FNBP4: variants seen among roughly 807,000 people sequenced by gnomAD.
FNBP4 encodes formin-binding protein 4.
Under a neutral mutation model 119.3 loss-of-function variants are expected in FNBP4, and 34 were observed. That is an observed-to-expected ratio of 0.28 (90% CI 0.22 to 0.38). The LOEUF is 0.38. Among genes scored for constraint, FNBP4 ranks in the 10% least tolerant of loss-of-function variants. FNBP4 has a pLI of 1.00. For missense variants in FNBP4, 1,112 were observed against 1,228.9 expected, an observed-to-expected ratio of 0.90 and a Z score of 1.42; for synonymous variants, 462 against 430.6, an observed-to-expected ratio of 1.07 and a Z score of -0.90.
chr11:47,733,851 T>A (rs574860303), intron 10 of FNBP4, among the ~76,000 whole-genome samples, 174 bp downstream of exon 10: 4 of 152,352 alleles, frequency 2.6e-5, no homozygotes, highest in African/African-American at 9.6e-5. Flanking sequence ...AAAGTCTATT[T>A]ACTGTGCTTT....
chr11:47,759,103 A>G (rs2135269161), intron 2 of FNBP4, among the ~76,000 whole-genome samples: 2 of 152,008 alleles, frequency 1.3e-5, no homozygotes, highest in South Asian at 4.2e-4. Context: ...TACTTTTAGT[A>G]GAGACGGGGT....
intron 1 of FNBP4, 90 bp from the exon 2 acceptor site, chr11:47,765,452 G>T: frequency 2.1e-6 from 2 of 953,560 alleles, no homozygotes; most frequent in Non-Finnish European, 3.2e-6. Flanking sequence ...GAAAACACTA[G>T]AGGTGACAAA....
At chr11:47,724,437 A>G in intron 13 of FNBP4, 31 bp downstream of exon 13, 1 of 1,613,976 alleles carries the variant, frequency 6.2e-7, no homozygotes, top group Admixed American at 1.7e-5. Context: ...AGTCCTCAAA[A>G]TCACTCAGAA....
intron 12 of FNBP4, chr11:47,729,022 T>C (rs1305076133): frequency 3.4e-6 from 1 of 292,842 alleles, no homozygotes; most frequent in African/African-American, 2.3e-5. Flanking sequence ...CAGCTAATTT[T>C]TGTACTTTTA....
At chr11:47,737,573 G>A (rs1265036391) in intron 8 of FNBP4, among the ~76,000 whole-genome samples, 1 of 151,882 alleles carries the variant, frequency 6.6e-6, no homozygotes, top group Non-Finnish European at 1.5e-5. Context: ...CCAAGTAGCT[G>A]GGACTACAGG....
Position 47,746,138 on chromosome 11 carries a change from C to T in FNBP4, c.1163G>A (p.Cys388Tyr). The change falls in exon 7 of 17, where the codon TGC becomes TAC. Residue 388 changes from cysteine to tyrosine, a missense_variant. Cys to Tyr is a radical substitution (Grantham distance 194, BLOSUM62 -2). Around this residue, in one of 2 missense-constraint regions of FNBP4, gnomAD observed 826 missense variants for 988.8 expected, o/e 0.84. Transcript: ENST00000263773. ...NIEDPSQEDL[C>Y]SVVQSGESEE... ...ACTTTCTCCAGATTGGACAACACTGCAAAGATCCTCCTGAGAAGGGTCTTC... is the reference window on the plus strand; with the variant it reads ...ACTTTCTCCAGATTGGACAACACTGTAAAGATCCTCCTGAGAAGGGTCTTC... 1.2e-6 allele frequency: 2 copies of T among 1,614,144 alleles called. No homozygotes were observed. The highest frequency in any genetic ancestry group is 1.7e-6 in the Non-Finnish European group (2 of 1,180,014).
Position 47,753,003 on chromosome 11 carries a change from ATGT to A in FNBP4, c.547_549del (p.Thr183del). Reference sequence around the variant, plus strand: ...TTTGAAGTAGAAGAAGAAAGGGTAGATGTTGCTGCTTCCTTTGGCTCTGGTCGA... The same window carrying A: ...TTTGAAGTAGAAGAAGAAAGGGTAGATGCTGCTTCCTTTGGCTCTGGTCGA... On this transcript the variant is annotated inframe_deletion, in exon 4 of 17. Coordinates refer to ENST00000263773, the MANE Select transcript of FNBP4 (RefSeq NM_015308.5). 6.2e-7 allele frequency: 1 copy of A among 1,614,146 alleles called. No homozygotes were observed. The highest frequency in any genetic ancestry group is 8.5e-7 in the Non-Finnish European group (1 of 1,180,006).
At chr11:47,763,111 A>G (rs903341005) in intron 2 of FNBP4, among the ~76,000 whole-genome samples, 2 of 152,028 alleles carry the variant, frequency 1.3e-5, no homozygotes, top group African/African-American at 4.8e-5. Context: ...AGGCCAAGGC[A>G]GGAAGATCAC....
At chr11:47,718,669 TAGAC>T (rs1285623934) in intron 16 of FNBP4, among the ~76,000 whole-genome samples, 1 of 152,214 alleles carries the variant, frequency 6.6e-6, no homozygotes, top group Non-Finnish European at 1.5e-5. Flanking sequence ...GCATCAGTAA[TAGAC>T]AGCTATATTC....
intron 12 of FNBP4, chr11:47,729,468 T>C (rs2097564977): frequency 2.0e-6 from 2 of 985,248 alleles, no homozygotes; most frequent in African/African-American, 3.5e-5. Context: ...AAATAGAACT[T>C]TGAAACTTCT....
intron 2 of FNBP4, among the ~76,000 whole-genome samples, chr11:47,755,237 G>C (rs968583435): frequency 2.0e-5 from 3 of 151,554 alleles, no homozygotes; most frequent in Non-Finnish European, 4.4e-5. Flanking sequence ...ATCACCTGAA[G>C]TCAGGAGTTC....
At chr11:47,760,827 G>A (rs1192544937) in intron 2 of FNBP4, among the ~76,000 whole-genome samples, 2 of 152,160 alleles carry the variant, frequency 1.3e-5, no homozygotes, top group Non-Finnish European at 2.9e-5. Flanking sequence ...GCCTCCCATA[G>A]TGTTGGGAGG....
rs1188186462 is a variant in FNBP4 at position 47,754,605 on chromosome 11, C to T, written c.373G>A (p.Glu125Lys). The change falls in exon 3 of 17, where the codon GAA (glutamate) becomes AAA (lysine). Residue 125 changes from glutamate to lysine, a missense_variant. Coordinates refer to ENST00000263773, the MANE Select transcript of FNBP4 (RefSeq NM_015308.5). ...GTCTCTTTGGATTGTGCTAGTTTTT[C>T]GGAAACATCATTGTCATCGTCATCA... The part of the protein sequence containing the change: ...DSDDDDNDVS[E>K]KLAQSKETNG... 8.1e-6 allele frequency: 13 copies of T among 1,613,956 alleles called. No individual in the cohort carries two copies. Among genetic ancestry groups the T allele is most frequent in the African/African-American group, 2.7e-5 (2 of 74,904 alleles).
Position 47,765,293 on chromosome 11 carries a change from C to T in FNBP4, c.290G>A (p.Arg97Lys). The part of the protein sequence containing the change: ...QNPPKPVMTT[R>K]PTAVKATGGL... ...ACCTGTTGCTTTAACAGCTGTGGGTCTAGTGGTCATGACTGGTTTTGGAGG... is the reference window on the plus strand; with the variant it reads ...ACCTGTTGCTTTAACAGCTGTGGGTTTAGTGGTCATGACTGGTTTTGGAGG... The change falls in exon 2 of 17, where the codon AGA becomes AAA. Residue 97 changes from arginine to lysine, a missense_variant. Around this residue, in one of 2 missense-constraint regions of FNBP4, gnomAD observed 286 missense variants for 240.1 expected, o/e 1.19. Coordinates refer to ENST00000263773, the MANE Select transcript of FNBP4 (RefSeq NM_015308.5). 6.2e-7 allele frequency: 1 copy of T among 1,611,394 alleles called. No homozygotes were observed. Among genetic ancestry groups the T allele is most frequent in the Non-Finnish European group, 8.5e-7 (1 of 1,179,062 alleles).
chr11:47,752,844 A>AAAC (rs2097607010), intron 4 of FNBP4, 72 bp downstream of exon 4: 2 of 1,371,692 alleles, frequency 1.5e-6, no homozygotes, highest in South Asian at 2.7e-5. Flanking sequence ...CAAACAAAAA[A>AAAC]CCAGAAAAGT....
chr11:47,752,409 GGGT>G (rs2097605838), intron 4 of FNBP4, among the ~76,000 whole-genome samples: 1 of 131,400 alleles, frequency 7.6e-6, no homozygotes, highest in Non-Finnish European at 1.6e-5. Context: ...TGGGCAACAA[GGGT>G]GAAACTCAGT....
chr11:47,725,589 AT>A (rs2097560121), intron 12 of FNBP4: 1 of 157,128 alleles, frequency 6.4e-6, no homozygotes, highest in Admixed American at 6.5e-5. Context: ...TGGTTTTGAA[AT>A]TGCTGTTGCT....
chr11:47,725,686 TTTCTC>T, intron 12 of FNBP4: 1 of 726,520 alleles, frequency 1.4e-6, no homozygotes, highest in Non-Finnish European at 1.7e-6. Context: ...ATTACTGTCT[TTTCTC>T]TGCTGGGAAA....
At chr11:47,764,232 C>T (rs915085319) in intron 2 of FNBP4, among the ~76,000 whole-genome samples, 6 of 152,244 alleles carry the variant, frequency 3.9e-5, no homozygotes, top group Non-Finnish European at 7.4e-5. Flanking sequence ...TAGGTGTGCG[C>T]CACCATGCCC....
Sources: gnomAD v4.1 joint callset for allele counts (sites outside exome capture counted in the v4.1 genomes callset) on GRCh38, gnomAD v4.1.1 for gene constraint, gnomAD v4.1.1 regional missense constraint, MANE v1.5 for transcripts, NCBI Gene and HGNC (gene_info 2026-07-23, HGNC 2026-07-21) for gene names.